The following CAMK2D variants were observed in gnomAD, a reference collection of about 807,000 sequenced individuals.
The protein encoded by CAMK2D is calcium/calmodulin-dependent protein kinase type II subunit delta.
Under a neutral mutation model 84.0 loss-of-function variants are expected in CAMK2D, and 37 were observed. The observed-to-expected ratio is 0.44, with a 90% CI of 0.34 to 0.58. The LOEUF (loss-of-function observed/expected upper bound fraction) is 0.58, where lower values mean the gene tolerates loss of function less well. CAMK2D is among the 20% of genes least tolerant of loss of function. CAMK2D has a pLI of 0.02. For synonymous variants in CAMK2D, 202 were observed against 212.5 expected (o/e 0.95, Z 0.43); for missense variants, 448 against 652.5 (o/e 0.69, Z 3.41).
Position 113,465,795 on chromosome 4 carries a change from G to A in CAMK2D, c.1136-191C>T, listed in dbSNP as rs548228602. Among the ~76,000 whole-genome samples, 245 of 152,126 alleles carry A rather than the reference G, an allele frequency of 1.6e-3. 2 individuals carry two copies. The South Asian group carries it at 0.017, about 11-fold the overall frequency. On this transcript the variant is annotated intron_variant, in intron 16 of 20. Transcript: ENST00000511664. ...TCCTCCCACCTCTGCCTCCCAAAGT[G>A]CTGGGATTACAGGTGTGATCTGTGC...
chr4:113,548,937 G>A (rs750941562), intron 5 of CAMK2D, among the ~76,000 whole-genome samples: 2 of 152,168 alleles, frequency 1.3e-5, no homozygotes, highest in African/African-American at 2.4e-5. Context: ...CATAGACTTT[G>A]TGACATGTTC....
chr4:113,615,484 A>G, intron 3 of CAMK2D, among the ~76,000 whole-genome samples: 1 of 152,090 alleles, frequency 6.6e-6, no homozygotes, highest in East Asian at 1.9e-4. Flanking sequence ...TAGAAAACAC[A>G]AAAGCACTGA....
At chr4:113,609,041 T>TA in intron 4 of CAMK2D, 111 bp downstream of exon 4, 3 of 602,440 alleles carry the variant, frequency 5.0e-6, no homozygotes, top group Non-Finnish European at 9.2e-6. Context: ...ACTTGAACAT[T>TA]AAAAAATATT....
chr4:113,602,716 T>C (rs948903982), intron 4 of CAMK2D, among the ~76,000 whole-genome samples: 2 of 152,242 alleles, frequency 1.3e-5, no homozygotes, highest in African/African-American at 4.8e-5. Flanking sequence ...AAGCTGAAGT[T>C]CTAACCACCC....
At chr4:113,526,596 T>C (rs1560723610) in intron 8 of CAMK2D, among the ~76,000 whole-genome samples, 2 of 151,626 alleles carry the variant, frequency 1.3e-5, no homozygotes, top group South Asian at 2.1e-4. Flanking sequence ...TTCTAACTTA[T>C]AAGTTCTCTC....
intron 16 of CAMK2D, among the ~76,000 whole-genome samples, chr4:113,483,491 C>T (rs1473610350): frequency 4.6e-5 from 7 of 151,906 alleles, no homozygotes; most frequent in South Asian, 4.2e-4. Context: ...CTTCAACCTC[C>T]GCCTCCCGGG....
chr4:113,730,894 T>C (rs2099566710), intron 2 of CAMK2D, among the ~76,000 whole-genome samples: 1 of 152,190 alleles, frequency 6.6e-6, no homozygotes, highest in African/African-American at 2.4e-5. Flanking sequence ...TTACATCTTT[T>C]CTCACCAACT....
At position 113,723,755 on chromosome 4, in the gene CAMK2D, T is replaced by C. The variant is rs527869377; in HGVS notation, c.160+35565A>G. Among the ~76,000 whole-genome samples the C allele has an allele frequency of 3.3e-5, 5 of 152,296 alleles. No individual in the cohort carries two copies. In the South Asian group the frequency reaches 8.3e-4, roughly 25 times the overall value. On this transcript the variant is annotated intron_variant, in intron 2 of 20. Coordinates refer to ENST00000511664, the MANE Select transcript of CAMK2D (RefSeq NM_001321571.2). Reference sequence around the variant, plus strand: ...TACATTTCCAATAACTGTTTGACTATGACATTACTCACCATAAAAGACATA... The same window carrying C: ...TACATTTCCAATAACTGTTTGACTACGACATTACTCACCATAAAAGACATA...
At chr4:113,608,610 G>C (rs563405851) in intron 4 of CAMK2D, among the ~76,000 whole-genome samples, 14 of 152,220 alleles carry the variant, frequency 9.2e-5, no homozygotes, top group Admixed American at 7.2e-4. Flanking sequence ...TTTCCAGAAA[G>C]TATGTTCTTA....
intron 3 of CAMK2D, among the ~76,000 whole-genome samples, chr4:113,643,326 G>A (rs1182950342): frequency 6.6e-6 from 1 of 152,140 alleles, no homozygotes; most frequent in Non-Finnish European, 1.5e-5. Flanking sequence ...TAGAGAGTTG[G>A]GAGGATAAAA....
chr4:113,472,540 TATTTG>T (rs1351553724), intron 16 of CAMK2D, among the ~76,000 whole-genome samples: 1 of 152,226 alleles, frequency 6.6e-6, no homozygotes, highest in Non-Finnish European at 1.5e-5. Context: ...GAAATTCTAG[TATTTG>T]AGCTTGAGCT....
chr4:113,640,206 T>C (rs2154293665), intron 3 of CAMK2D, among the ~76,000 whole-genome samples: 1 of 151,920 alleles, frequency 6.6e-6, no homozygotes, highest in African/African-American at 2.4e-5. Context: ...AGTACCAGAA[T>C]AGCATCCAAG....
chr4:113,598,333 T>TA (rs78626119), intron 4 of CAMK2D, among the ~76,000 whole-genome samples: 9,289 of 150,790 alleles, frequency 0.062, 340 homozygotes, highest in South Asian at 0.1. Context: ...AAACTCACAT[T>TA]AAAAAAAAAT....
At chr4:113,719,369 C>T (rs563969135) in intron 2 of CAMK2D, among the ~76,000 whole-genome samples, 1 of 152,170 alleles carries the variant, frequency 6.6e-6, no homozygotes, top group South Asian at 2.1e-4. Flanking sequence ...CTGATATTAA[C>T]CAATTTGCTT....
At chr4:113,503,972 T>G (rs2098091966) in intron 14 of CAMK2D, among the ~76,000 whole-genome samples, 1 of 152,100 alleles carries the variant, frequency 6.6e-6, no homozygotes. Flanking sequence ...GAGAGACATA[T>G]CTCCTGCTTC....
chr4:113,457,185 A>C, intron 19 of CAMK2D, 150 bp downstream of exon 19: 1 of 1,446,620 alleles, frequency 6.9e-7, no homozygotes. Context: ...CCAGAGAATC[A>C]TAAACCTTTC....
At chr4:113,461,017 C>T (rs970390138) in intron 17 of CAMK2D, among the ~76,000 whole-genome samples, 1 of 152,136 alleles carries the variant, frequency 6.6e-6, no homozygotes, top group Non-Finnish European at 1.5e-5. Flanking sequence ...GACCACATAT[C>T]CTACATTCAT....
chr4:113,717,856 A>C (rs996316574), intron 2 of CAMK2D, among the ~76,000 whole-genome samples: 2 of 152,142 alleles, frequency 1.3e-5, no homozygotes, highest in Non-Finnish European at 2.9e-5. Flanking sequence ...TATAGACCTA[A>C]GAGTATAACC....
intron 4 of CAMK2D, among the ~76,000 whole-genome samples, chr4:113,597,071 G>C (rs1011446796): frequency 1.3e-5 from 2 of 152,146 alleles, no homozygotes; most frequent in African/African-American, 4.8e-5. Flanking sequence ...GCCCATCTCG[G>C]CCTCCCAAAG....
Sources: allele counts gnomAD v4.1 joint callset (sites outside exome capture counted in the v4.1 genomes callset), GRCh38; gene constraint gnomAD v4.1.1; transcripts MANE v1.5; gene names NCBI Gene and HGNC (gene_info 2026-07-23, HGNC 2026-07-21).